DHTKD1: variants seen among roughly 807,000 people sequenced by gnomAD.
DHTKD1 encodes 2-oxoadipate dehydrogenase complex component E1.
A neutral mutation model predicts 101.8 loss-of-function variants in DHTKD1; 78 were observed. That is an observed-to-expected ratio of 0.77 (90% CI 0.64 to 0.93). DHTKD1 has a LOEUF of 0.93. DHTKD1 is among the 40% of genes least tolerant of loss of function. DHTKD1 has a pLI of 0.00. For missense variants in DHTKD1, 1,223 were observed against 1,161.7 expected (o/e 1.05, Z -0.77); for synonymous variants, 462 against 450.3 (o/e 1.03, Z -0.33).
rs756840826 is a variant in DHTKD1, at chr10:12,087,625, C to G, written c.613C>G (p.Leu205Val). The change falls in exon 4 of 17, where the codon CTG becomes GTG. Residue 205 changes from leucine (L) to valine (V), a missense_variant. Transcript: ENST00000263035. This position sits in a 1 kb window ranked among gnomAD's most constrained non-coding sequence, Gnocchi z 5.2. ...AAGCATGATGGGCTTTTTCCACGAGCTGCTGAAAATGTCGGCCTACAGCGG... is the reference window on the plus strand; with the variant it reads ...AAGCATGATGGGCTTTTTCCACGAGGTGCTGAAAATGTCGGCCTACAGCGG... ...AESMMGFFHE[L>V]LKMSAYSGIT... 6.2e-6 allele frequency: 10 copies of G among 1,614,050 alleles called. No homozygotes were observed. In the Admixed American group the frequency reaches 1.7e-4, roughly 27 times the overall value.
At position 12,101,278 on chromosome 10, in the gene DHTKD1, T is replaced by C; in HGVS notation, c.1896+97T>C. The C allele has an allele frequency of 2.9e-6, 4 of 1,393,392 alleles. No individual in the cohort carries two copies. The South Asian group carries it at 5.9e-5, about 20-fold the overall frequency. The allele number at this position is 1,393,392 out of a possible 1,614,324, so 86.3% of individuals were successfully genotyped here. A position where few individuals can be genotyped will look rare whatever the true frequency, so the allele number is the denominator to read the frequency against. ...AGGAAGGAGTGCTGGCAACTTTGGG[T>C]TCAGTACTTTTGGAAGTAAAGGAGT... On this transcript the variant is annotated intron_variant, in intron 10 of 16. Coordinates refer to ENST00000263035, the MANE Select transcript of DHTKD1 (RefSeq NM_018706.7).
chr10:12,089,098 A>G lies in DHTKD1; in HGVS notation c.830A>G (p.His277Arg). 6.2e-7 allele frequency: 1 copy of G among 1,614,154 alleles called. No individual in the cohort carries two copies. Among genetic ancestry groups the G allele is most frequent in the Non-Finnish European group, 8.5e-7 (1 of 1,180,024 alleles). The change falls in exon 5 of 17, where the codon CAT (histidine) becomes CGT (arginine). Residue 277 changes from histidine to arginine, a missense_variant. Transcript: ENST00000263035. ...GTGGACCTGTACTTTGGGGCGCACCATCCCCTCCATGTGACAATGTTGCCC... is the reference window on the plus strand; with the variant it reads ...GTGGACCTGTACTTTGGGGCGCACCGTCCCCTCCATGTGACAATGTTGCCC... ...SSVDLYFGAH[H>R]PLHVTMLPNP...
chr10:12,088,310 G>T (rs1242832989), intron 4 of DHTKD1, among the ~76,000 whole-genome samples: 2 of 151,786 alleles, frequency 1.3e-5, no homozygotes, highest in African/African-American at 4.8e-5. Context: ...AAATTAGGTG[G>T]CATGGTCTCT....
intron 1 of DHTKD1, among the ~76,000 whole-genome samples, chr10:12,080,912 A>T (rs1832806026): frequency 1.3e-5 from 2 of 151,844 alleles, no homozygotes; most frequent in African/African-American, 4.8e-5. Context: ...ACCAAAAAAA[A>T]AAAAATTAGC....
intron 9 of DHTKD1, 25 bp downstream of exon 9, chr10:12,100,287 G>GTTTTTTTTTGTTTTTTTTTTT (rs1833143453): frequency 7.3e-6 from 2 of 272,276 alleles, no homozygotes; most frequent in Non-Finnish European, 1.2e-5. Context: ...TTTTTTTTCT[G>GTTTTTTTTTGTTTTTTTTTTT]TTTTTTTTTT....
chr10:12,118,660 G>C (rs928097243), intron 14 of DHTKD1, 89 bp from the exon 15 acceptor site: 20 of 1,129,344 alleles, frequency 1.8e-5, no homozygotes, highest in Admixed American at 1.2e-4. Context: ...GAGATTACAG[G>C]CGTGAGCTAC....
At chr10:12,101,745 G>A (rs957727431) in intron 10 of DHTKD1, among the ~76,000 whole-genome samples, 2 of 151,976 alleles carry the variant, frequency 1.3e-5, no homozygotes, top group African/African-American at 2.4e-5. Context: ...CTGGGACCAC[G>A]GGAATGAGGT....
In DHTKD1 at chr10:12,103,806, G is replaced by A. The variant is rs750116828; in HGVS notation, c.1897-2440G>A. On this transcript the variant is annotated intron_variant, in intron 10 of 16. Transcript: ENST00000263035. This position sits in a 1 kb window ranked among gnomAD's most constrained non-coding sequence, Gnocchi z 4.8. ...GCTGGGATTATAGATGTGAGCTGCC[G>A]TGCCCAGCCTAGAGGGTTTTTATTT... Among the ~76,000 whole-genome samples the A allele has an allele frequency of 2.6e-5, 4 of 152,054 alleles. No homozygotes were observed. Among genetic ancestry groups the A allele is most frequent in the Non-Finnish European group, 4.4e-5 (3 of 68,014 alleles).
At chr10:12,090,100 T>TTTA (rs1453621005) in intron 5 of DHTKD1, among the ~76,000 whole-genome samples, 3 of 152,134 alleles carry the variant, frequency 2.0e-5, no homozygotes, top group Non-Finnish European at 4.4e-5. Context: ...ACAAGTATCT[T>TTTA]TTAGAGGTTT....
chr10:12,095,566 C>T (rs1833052916), intron 7 of DHTKD1, among the ~76,000 whole-genome samples: 1 of 151,948 alleles, frequency 6.6e-6, no homozygotes, highest in Non-Finnish European at 1.5e-5. Flanking sequence ...GTAATCCCAG[C>T]ACTTTGGGAG....
chr10:12,097,752 A>C lies in DHTKD1; in HGVS notation c.1427A>C (p.Glu476Ala), dbSNP rs1564393949. ...GCTGGCGGACTCATGACGCAGGAGG[A>C]GGTGTCTGAAATAAAATCCTCCTAC... Reference protein sequence around the residue: ...LIAGGLMTQEEVSEIKSSYYA... With the variant: ...LIAGGLMTQEAVSEIKSSYYA... Residue 476 changes from glutamate to alanine, a missense_variant, in exon 8 of 17, where the codon GAG becomes GCG. Coordinates refer to ENST00000263035, the MANE Select transcript of DHTKD1 (RefSeq NM_018706.7). The C allele has an allele frequency of 6.2e-7, 1 of 1,614,116 alleles. No homozygotes were observed. Among genetic ancestry groups the C allele is most frequent in the Non-Finnish European group, 8.5e-7 (1 of 1,180,020 alleles).
At chr10:12,100,301 T>C in intron 9 of DHTKD1, 39 bp downstream of exon 9, 1 of 837,330 alleles carries the variant, frequency 1.2e-6, no homozygotes, top group South Asian at 1.8e-5. Context: ...TTTTTTTTTT[T>C]GAGTCTCACC....
At chr10:12,108,664 T>C (rs1833284942) in intron 12 of DHTKD1, among the ~76,000 whole-genome samples, 1 of 152,204 alleles carries the variant, frequency 6.6e-6, no homozygotes, top group Non-Finnish European at 1.5e-5. Flanking sequence ...TCCTTTTGCA[T>C]GTTATTTCCT....
At chr10:12,075,526 C>G (rs1832713006) in intron 1 of DHTKD1, among the ~76,000 whole-genome samples, 2 of 151,442 alleles carry the variant, frequency 1.3e-5, no homozygotes, top group Admixed American at 6.6e-5. Context: ...AGGCATGAGC[C>G]ACTGCGCCCA....
chr10:12,104,021 G>T (rs1322840253), intron 10 of DHTKD1, among the ~76,000 whole-genome samples: 2 of 152,046 alleles, frequency 1.3e-5, no homozygotes, highest in Admixed American at 1.3e-4. Flanking sequence ...CCTCCCTCCA[G>T]CCCCTGGACA....
At chr10:12,072,198 G>A (rs571043520) in intron 1 of DHTKD1, among the ~76,000 whole-genome samples, 1 of 152,248 alleles carries the variant, frequency 6.6e-6, no homozygotes, top group African/African-American at 2.4e-5. Flanking sequence ...TGGGTGTGGT[G>A]GCTCATGCCT....
chr10:12,100,277 T>C lies in DHTKD1; in HGVS notation c.1756+15T>C. ...ACTTGCTCAAGGTAAGAATTTTCTTTTTTTTTTCTGTTTTTTTTTTTTTTG... is the reference window on the plus strand; with the variant it reads ...ACTTGCTCAAGGTAAGAATTTTCTTCTTTTTTTCTGTTTTTTTTTTTTTTG... On this transcript the variant is annotated intron_variant, in intron 9 of 16. Transcript: ENST00000263035. 1.7e-6 allele frequency: 2 copies of C among 1,187,658 alleles called. No homozygotes were observed. Among genetic ancestry groups the C allele is most frequent in the Non-Finnish European group, 2.3e-6 (2 of 851,382 alleles). 73.6% of individuals were successfully genotyped at this position (1,187,658 alleles called of 1,614,324 possible). A position where few individuals can be genotyped will look rare whatever the true frequency, so the allele number is the denominator to read the frequency against.
Position 12,087,581 on chromosome 10 carries a change from A to G in DHTKD1, c.569A>G (p.Tyr190Cys), listed in dbSNP as rs773584681. The G allele has an allele frequency of 3.7e-6, 6 of 1,612,930 alleles. No homozygotes were observed. The highest frequency in any genetic ancestry group is 3.4e-5 in the Admixed American group (2 of 59,656). The change falls in exon 4 of 17, where the codon TAT becomes TGT. Residue 190 changes from tyrosine to cysteine, a missense_variant. By Grantham distance (194) the Tyr-to-Cys change is radical. Coordinates refer to ENST00000263035, the MANE Select transcript of DHTKD1 (RefSeq NM_018706.7). This position sits in a 1 kb window ranked among gnomAD's most constrained non-coding sequence, Gnocchi z 5.2. ...LATKFSTVKRYGGEGAESMMG... is the reference protein window; with the variant it reads ...LATKFSTVKRCGGEGAESMMG... Reference sequence around the variant, plus strand: ...ACCAAGTTCTCGACAGTGAAGCGATATGGAGGCGAAGGGGCTGAAAGCATG... The same window carrying G: ...ACCAAGTTCTCGACAGTGAAGCGATGTGGAGGCGAAGGGGCTGAAAGCATG...
intron 6 of DHTKD1, among the ~76,000 whole-genome samples, 197 bp from the exon 7 acceptor site, chr10:12,093,876 T>G (rs1588610512): frequency 6.6e-6 from 1 of 152,184 alleles, no homozygotes; most frequent in Non-Finnish European, 1.5e-5. Context: ...AGGTTGAGAT[T>G]TGTAGCTTTA....
Sources: gnomAD v4.1 joint callset for allele counts (sites outside exome capture counted in the v4.1 genomes callset) on GRCh38, gnomAD v4.1.1 for gene constraint, Gnocchi (gnomAD v3.1) non-coding constraint, MANE v1.5 for transcripts, NCBI Gene and HGNC (gene_info 2026-07-23, HGNC 2026-07-21) for gene names.